Variants in MAP3K9 observed in about 807,000 individuals in gnomAD.
The protein encoded by MAP3K9 is mitogen-activated protein kinase kinase kinase 9.
A neutral mutation model predicts 95.8 loss-of-function variants in MAP3K9; 46 were observed. That is an observed-to-expected ratio of 0.48 (90% CI 0.38 to 0.61). The LOEUF is 0.61. MAP3K9 is among the 20% of genes least tolerant of loss of function. The pLI is 0.00. For synonymous variants in MAP3K9, 533 were observed against 593.8 expected (o/e 0.90, Z 1.49); for missense variants, 1,296 against 1,474.3 (o/e 0.88, Z 1.98).
chr14:70,750,218 T>C (rs2054206168), intron 3 of MAP3K9, 137 bp from the exon 4 acceptor site: 4 of 843,956 alleles, frequency 4.7e-6, no homozygotes, highest in Middle Eastern at 2.3e-4. Flanking sequence ...ACTAATGTGA[T>C]ATAAAAGGGA....
rs998920595 is a variant in MAP3K9, at chr14:70,809,382, T to C, written c.-211A>G. Reference sequence around the variant, plus strand: ...CCGAGCGCGAGCTCTTCGCGCAGCCTAGGGGCGCAGCGGGCCGAGTCCCCG... The same window carrying C: ...CCGAGCGCGAGCTCTTCGCGCAGCCCAGGGGCGCAGCGGGCCGAGTCCCCG... On this transcript the variant is annotated 5_prime_UTR_variant, in exon 1 of 12. Coordinates refer to ENST00000554752, the MANE Select transcript of MAP3K9 (RefSeq NM_001284230.2). The C allele has an allele frequency of 3.8e-6, 2 of 526,978 alleles. No homozygotes were observed. The highest frequency in any genetic ancestry group is 2.8e-6 in the Non-Finnish European group (1 of 351,010). The allele number at this position is 526,978 out of a possible 1,614,324, so 32.6% of individuals were successfully genotyped here.
intron 7 of MAP3K9, chr14:70,739,795 T>C: frequency 5.6e-6 from 7 of 1,255,590 alleles, no homozygotes; most frequent in Non-Finnish European, 7.6e-6. Context: ...AAAGATCCCA[T>C]TAGTACCCAC....
intron 11 of MAP3K9, among the ~76,000 whole-genome samples, chr14:70,732,110 C>CA (rs1371415446): frequency 6.6e-6 from 1 of 152,172 alleles, no homozygotes; most frequent in Non-Finnish European, 1.5e-5. Flanking sequence ...TAATGAGAGG[C>CA]AAAATCCCAG....
intron 2 of MAP3K9, among the ~76,000 whole-genome samples, chr14:70,770,404 G>A (rs185637300): frequency 2.7e-4 from 41 of 151,348 alleles, no homozygotes; most frequent in African/African-American, 9.7e-4. Flanking sequence ...GGCTGGTCTC[G>A]AACTCCTGAC....
intron 3 of MAP3K9, among the ~76,000 whole-genome samples, chr14:70,754,584 G>C (rs1054756109): frequency 1.3e-5 from 2 of 152,030 alleles, no homozygotes; most frequent in African/African-American, 4.8e-5. Context: ...CCATTCTCCC[G>C]CCTCAGCCTC....
At chr14:70,760,953 C>T (rs747280168) in intron 3 of MAP3K9, 49 bp downstream of exon 3, 5 of 1,584,146 alleles carry the variant, frequency 3.2e-6, no homozygotes, top group Non-Finnish European at 4.3e-6. Context: ...AATGTGTGTG[C>T]CACCAAGATG....
intron 3 of MAP3K9, among the ~76,000 whole-genome samples, chr14:70,760,406 G>A (rs1481864281): frequency 6.6e-6 from 1 of 152,026 alleles, no homozygotes; most frequent in Non-Finnish European, 1.5e-5. Context: ...TCTAGTCTGC[G>A]GCTTTGCAGT....
intron 7 of MAP3K9, chr14:70,739,817 C>G: frequency 7.2e-7 from 1 of 1,388,378 alleles, no homozygotes; most frequent in Non-Finnish European, 9.7e-7. Flanking sequence ...AATCCCTTTG[C>G]TGATATGTGA....
intron 3 of MAP3K9, among the ~76,000 whole-genome samples, chr14:70,758,911 C>T (rs1015068050): frequency 5.9e-5 from 9 of 152,024 alleles, no homozygotes; most frequent in African/African-American, 1.9e-4. Flanking sequence ...TACAGGCATG[C>T]GCCACCACGC....
chr14:70,797,638 C>T (rs975442206), intron 2 of MAP3K9, among the ~76,000 whole-genome samples: 1 of 151,848 alleles, frequency 6.6e-6, no homozygotes, highest in African/African-American at 2.4e-5. Context: ...CTCAGGAGGC[C>T]GAGGCAGGAG....
Position 70,759,008 on chromosome 14 carries a change from TATGATTCC to T in MAP3K9, c.1001+1986_1001+1993del, listed in dbSNP as rs1214299026. 1.1e-4 allele frequency among the ~76,000 whole-genome samples: 17 copies of T among 152,338 alleles called. No homozygotes were observed. The East Asian group carries it at 2.9e-3, about 26-fold the overall frequency. On this transcript the variant is annotated intron_variant, in intron 3 of 11. Coordinates refer to ENST00000554752, the MANE Select transcript of MAP3K9 (RefSeq NM_001284230.2). ...CCTAGTCACAAAAGACCACAAATGG[TATGATTCC>T]ATTTATGTGAAACATCCAGAACAGG...
At chr14:70,739,603 T>C (rs986586341) in intron 7 of MAP3K9, among the ~76,000 whole-genome samples, 1 of 152,110 alleles carries the variant, frequency 6.6e-6, no homozygotes, top group East Asian at 1.9e-4. Context: ...TGGCTTATTA[T>C]AAAGTATATG....
Position 70,730,407 on chromosome 14 carries a change from A to G in MAP3K9, c.3288T>C (p.Tyr1096=), listed in dbSNP as rs887919504. 6.2e-7 allele frequency: 1 copy of G among 1,609,652 alleles called. No homozygotes were observed. Among genetic ancestry groups the G allele is most frequent in the Non-Finnish European group, 8.5e-7 (1 of 1,176,428 alleles). ...AELNTHRPAP[Y]EIQQEFWS is the part of the protein sequence containing the mutation. ...AAGACCAGAACTCCTGCTGGATCTC[A>G]TAAGGGGCAGGCCTGTGTGTGTTCA... The change falls in exon 12 of 12, where the codon TAT becomes TAC. Residue 1096 remains tyrosine, a synonymous_variant. Transcript: ENST00000554752.
Position 70,738,373 on chromosome 14 carries a change from G to T in MAP3K9, c.1716C>A (p.Thr572=). 1.2e-6 allele frequency: 2 copies of T among 1,613,928 alleles called. No individual in the cohort carries two copies. The highest frequency in any genetic ancestry group is 1.7e-6 in the Non-Finnish European group (2 of 1,179,966). Residue 572 remains threonine (T), a synonymous_variant, in exon 8 of 12, where the codon ACC becomes ACA. Transcript: ENST00000554752. ...IQLTPGESSK[T]WGRSSVVPKE... is the part of the protein sequence containing the mutation. ...TTGGGACGACTGAGCTCCTGCCCCA[G>T]GTTTTGCTGCTTTCACCTGGTGTCA...
intron 3 of MAP3K9, among the ~76,000 whole-genome samples, chr14:70,755,323 A>C (rs1555369143): frequency 6.6e-6 from 1 of 152,232 alleles, no homozygotes; most frequent in Non-Finnish European, 1.5e-5. Flanking sequence ...ATCATTCAGA[A>C]GAGGCTGCCT....
At chr14:70,737,359 T>G (rs2053999612) in intron 8 of MAP3K9, among the ~76,000 whole-genome samples, 1 of 152,192 alleles carries the variant, frequency 6.6e-6, no homozygotes, top group Admixed American at 6.5e-5. Flanking sequence ...TGAGAAAACA[T>G]AACGTCACAC....
rs1403708291 is a variant in MAP3K9, at chr14:70,725,467, G to A, written c.*4913C>T. ...CATGATAATTAGGCACCTAAACCCT[G>A]TTAATTAGCCTTAATCGGCAGGATT... On this transcript the variant is annotated 3_prime_UTR_variant, in exon 12 of 12. Coordinates refer to ENST00000554752, the MANE Select transcript of MAP3K9 (RefSeq NM_001284230.2). The A allele has an allele frequency of 6.6e-6, 1 of 152,214 alleles. No individual in the cohort carries two copies. The highest frequency in any genetic ancestry group is 2.4e-5 in the African/African-American group (1 of 41,444). 9.4% of individuals were successfully genotyped at this position (152,214 alleles called of 1,614,324 possible).
At position 70,742,584 on chromosome 14, in the gene MAP3K9, C is replaced by T. The variant is rs150546098; in HGVS notation, c.1334G>A (p.Arg445His). The T allele has an allele frequency of 1.4e-4, 232 of 1,613,834 alleles. No individual in the cohort carries two copies. The highest frequency in any genetic ancestry group is 1.9e-4 in the Non-Finnish European group (221 of 1,179,874). ...DQLRAKEKEL[R>H]TWEEELTRAA... ...CCGCGTCAGCTCCTCCTCCCAGGTG[C>T]GAAGTTCCTGCAGGATGGGCAGAAC... The change falls in exon 6 of 12, where the codon CGC becomes CAC. Residue 445 changes from arginine to histidine, a missense_variant. Physicochemically the swap from Arg to His is conservative, Grantham distance 29. This residue lies in a region of MAP3K9 where 377 missense variants were observed against 417.1 expected (regional missense o/e 0.90). Transcript: ENST00000554752.
At chr14:70,806,815 A>G (rs2054994849) in intron 1 of MAP3K9, among the ~76,000 whole-genome samples, 4 of 152,140 alleles carry the variant, frequency 2.6e-5, no homozygotes, top group African/African-American at 9.7e-5. Context: ...AAATCACAAA[A>G]CTTCACCCAC....
Sources: gnomAD v4.1 joint callset for allele counts (sites outside exome capture counted in the v4.1 genomes callset) on GRCh38, gnomAD v4.1.1 for gene constraint, gnomAD v4.1.1 regional missense constraint, MANE v1.5 for transcripts, NCBI Gene and HGNC (gene_info 2026-07-23, HGNC 2026-07-21) for gene names.